Variants in CNST observed in about 807,000 individuals in gnomAD.
CNST encodes consortin, connexin sorting protein.
A neutral mutation model predicts 72.4 loss-of-function variants in CNST; 39 were observed. The ratio of observed to expected loss-of-function variants is 0.54; its 90% CI spans 0.42 to 0.70. CNST has a LOEUF of 0.70. CNST is among the 30% of genes least tolerant of loss of function. The pLI is 0.00. For missense variants in CNST, 871 were observed against 868.5 expected, an observed-to-expected ratio of 1.00 and a Z score of -0.04; for synonymous variants, 332 against 320.1, an observed-to-expected ratio of 1.04 and a Z score of -0.40.
rs139300574 is a variant in CNST, at chr1:246,572,796, C to T, written c.-52+6133C>T. On this transcript the variant is annotated intron_variant, in intron 1 of 10. Coordinates refer to ENST00000366513, the MANE Select transcript of CNST (RefSeq NM_152609.3). ...TAGGGTGGTCTTGAACTCCTGAGCT[C>T]GAGCAGAGTGCCTACTTCAGCCTCT... 3.9e-3 allele frequency among the ~76,000 whole-genome samples: 596 copies of T among 152,270 alleles called. 3 individuals are homozygous for T. The highest frequency in any genetic ancestry group is 0.014 in the African/African-American group (570 of 41,552).
intron 1 of CNST, among the ~76,000 whole-genome samples, chr1:246,576,832 C>T (rs1212066942): frequency 6.6e-6 from 1 of 151,860 alleles, no homozygotes; most frequent in South Asian, 2.1e-4. Context: ...CCTATTACCC[C>T]TTCCCTTGGC....
rs369686658 is a variant in CNST at position 246,645,450 on chromosome 1, T to C, written c.938-1689T>C. On this transcript the variant is annotated intron_variant, in intron 8 of 10. Coordinates refer to ENST00000366513, the MANE Select transcript of CNST (RefSeq NM_152609.3). Reference sequence around the variant, plus strand: ...TTTTTTTTTTTTTTTTTTTTTGAGATGGAGTCTCGCTCTGTCGCCCAGGCT... The same window carrying C: ...TTTTTTTTTTTTTTTTTTTTTGAGACGGAGTCTCGCTCTGTCGCCCAGGCT... Among the ~76,000 whole-genome samples the C allele has an allele frequency of 2.8e-3, 373 of 135,340 alleles. 2 individuals are homozygous for C. The highest frequency in any genetic ancestry group is 8.5e-3 in the African/African-American group (294 of 34,792). The allele number at this position is 135,340 out of a possible 152,430, so 88.8% of individuals were successfully genotyped here.
At position 246,591,877 on chromosome 1, in the gene CNST, C is replaced by T. The variant is rs1661567145; in HGVS notation, c.315C>T (p.Asp105=). 6.2e-7 allele frequency: 1 copy of T among 1,612,810 alleles called. No homozygotes were observed. The highest frequency in any genetic ancestry group is 2.2e-5 in the East Asian group (1 of 44,856). The change falls in exon 2 of 11, where the codon GAC becomes GAT. Residue 105 remains aspartate (D), a synonymous_variant. Coordinates refer to ENST00000366513, the MANE Select transcript of CNST (RefSeq NM_152609.3). ...SRDEQAFLGK[D]KKIPGKRSPR... ...ATGAACAGGCCTTCTTGGGAAAGGACAAAAAAATTCCTGGAAAAAGAAGTC... is the reference window on the plus strand; with the variant it reads ...ATGAACAGGCCTTCTTGGGAAAGGATAAAAAAATTCCTGGAAAAAGAAGTC...
chr1:246,607,987 A>G (rs1041372724), intron 2 of CNST: 10 of 152,140 alleles, frequency 6.6e-5, no homozygotes, highest in African/African-American at 1.2e-4. Context: ...AGGCTGAGGC[A>G]GGAGAATCCC....
At chr1:246,630,448 T>C (rs1338204030) in intron 3 of CNST, among the ~76,000 whole-genome samples, 1 of 152,254 alleles carries the variant, frequency 6.6e-6, no homozygotes, top group Non-Finnish European at 1.5e-5. Flanking sequence ...TCAAACTTTA[T>C]ATTAACTGAA....
intron 1 of CNST, among the ~76,000 whole-genome samples, chr1:246,572,311 G>T (rs569635149): frequency 7.2e-5 from 11 of 152,070 alleles, no homozygotes; most frequent in Non-Finnish European, 8.8e-5. Context: ...AAAAAATTTG[G>T]GAACTTTATA....
rs41308144 is a variant in CNST at position 246,666,832 on chromosome 1, C to T, written c.*927C>T. 2 of 152,194 alleles carry T rather than the reference C, an allele frequency of 1.3e-5. No individual in the cohort carries two copies. Among genetic ancestry groups the T allele is most frequent in the Non-Finnish European group, 2.9e-5 (2 of 68,040 alleles). 9.4% of individuals were successfully genotyped at this position (152,194 alleles called of 1,614,324 possible). A position where few individuals can be genotyped will look rare whatever the true frequency, so the allele number is the denominator to read the frequency against. ...AAACTTAAGTAAGATACAGTTCCCA[C>T]TGTAGGTGTTTTAATCCTGGTCTTA... On this transcript the variant is annotated 3_prime_UTR_variant, in exon 11 of 11. Coordinates refer to ENST00000366513, the MANE Select transcript of CNST (RefSeq NM_152609.3).
chr1:246,600,501 C>T (rs1455429131), intron 2 of CNST, among the ~76,000 whole-genome samples: 2 of 152,100 alleles, frequency 1.3e-5, no homozygotes, highest in Non-Finnish European at 1.5e-5. Context: ...GAGAGAGTAG[C>T]TGTACGGCTG....
intron 1 of CNST, among the ~76,000 whole-genome samples, chr1:246,588,255 C>A (rs899755070): frequency 3.3e-5 from 5 of 151,582 alleles, no homozygotes; most frequent in African/African-American, 1.2e-4. Context: ...GTTTTAATGA[C>A]AATACTATTT....
chr1:246,641,830 T>C (rs549797995), intron 7 of CNST, 60 bp downstream of exon 7: 15 of 1,239,472 alleles, frequency 1.2e-5, no homozygotes, highest in Non-Finnish European at 1.8e-5. Context: ...ATATGTCTGT[T>C]GTATGGACTA....
At position 246,647,508 on chromosome 1, in the gene CNST, C is replaced by T; in HGVS notation, c.1307C>T (p.Ser436Leu). 1.2e-6 allele frequency: 2 copies of T among 1,614,198 alleles called. No homozygotes were observed. Among genetic ancestry groups the T allele is most frequent in the Non-Finnish European group, 1.7e-6 (2 of 1,180,034 alleles). The stretch of plus-strand genomic sequence containing the variant: ...AAGTCAAAGACAGAGCCGTTGATTT[C>T]ACCAGGCTGTGACCGTATACCTCCT... ...SSKSKTEPLISPGCDRIPPAL... is the reference protein window; with the variant it reads ...SSKSKTEPLILPGCDRIPPAL... Residue 436 changes from serine to leucine, a missense_variant, in exon 9 of 11, where the codon TCA becomes TTA. By Grantham distance (145) the Ser-to-Leu change is moderately radical. Coordinates refer to ENST00000366513, the MANE Select transcript of CNST (RefSeq NM_152609.3).
At chr1:246,660,164 A>T (rs563812537) in intron 9 of CNST, 35 bp from the exon 10 acceptor site, 1 of 1,570,390 alleles carries the variant, frequency 6.4e-7, no homozygotes, top group South Asian at 1.2e-5. Context: ...TCCCGCCTTA[A>T]TAAAAGAATT....
chr1:246,580,206 GA>G (rs1660695280), intron 1 of CNST, among the ~76,000 whole-genome samples: 1 of 152,014 alleles, frequency 6.6e-6, no homozygotes, highest in Non-Finnish European at 1.5e-5. Context: ...GGTTTCCTTA[GA>G]TTTTTTTTAA....
chr1:246,663,813 C>T (rs1204445485), intron 10 of CNST, among the ~76,000 whole-genome samples: 1 of 151,924 alleles, frequency 6.6e-6, no homozygotes, highest in African/African-American at 2.4e-5. Context: ...TGATGTAAGT[C>T]CTGAAATCAT....
chr1:246,590,509 G>A (rs1235060532), intron 1 of CNST, among the ~76,000 whole-genome samples: 1 of 152,180 alleles, frequency 6.6e-6, no homozygotes, highest in African/African-American at 2.4e-5. Context: ...GAGAAGTGGT[G>A]GTCTCCTTCC....
At chr1:246,638,881 A>G (rs1665487007) in intron 6 of CNST, among the ~76,000 whole-genome samples, 1 of 152,230 alleles carries the variant, frequency 6.6e-6, no homozygotes, top group Non-Finnish European at 1.5e-5. Flanking sequence ...GGAGCTGGTT[A>G]GCACGGTGAT....
At position 246,597,601 on chromosome 1, in the gene CNST, T is replaced by C. The variant is rs376344022; in HGVS notation, c.379+5660T>C. Among the ~76,000 whole-genome samples, 353 of 152,322 alleles carry C rather than the reference T, an allele frequency of 2.3e-3. 3 individuals are homozygous for C. The highest frequency in any genetic ancestry group is 8.1e-3 in the African/African-American group (337 of 41,566). On this transcript the variant is annotated intron_variant, in intron 2 of 10. Transcript: ENST00000366513. ...GGAAACTGGGAAGGGAAGACCTTTC[T>C]CAATTGACCTGCCACTATCAGTGCC...
intron 1 of CNST, among the ~76,000 whole-genome samples, chr1:246,573,155 A>C (rs763810836): frequency 2.8e-4 from 42 of 152,350 alleles, no homozygotes; most frequent in Admixed American, 3.3e-4. Flanking sequence ...TTTACACAGC[A>C]ATCTCTAGAT....
chr1:246,631,132 A>C (rs1419676474), intron 3 of CNST, among the ~76,000 whole-genome samples: 1 of 152,234 alleles, frequency 6.6e-6, no homozygotes, highest in Non-Finnish European at 1.5e-5. Context: ...GTCATATCTA[A>C]ATAAAGATCT....
Sources: allele counts gnomAD v4.1 joint callset (sites outside exome capture counted in the v4.1 genomes callset), GRCh38; gene constraint gnomAD v4.1.1; transcripts MANE v1.5; gene names NCBI Gene and HGNC (gene_info 2026-07-23, HGNC 2026-07-21).